The following CCDC40 variants were observed in gnomAD, a reference collection of about 807,000 sequenced individuals.
CCDC40 encodes the protein coiled-coil domain 40 molecular ruler complex subunit.
CCDC40 carries 104 observed loss-of-function variants against 124.5 expected under a neutral mutation model. The observed-to-expected ratio is 0.84, with a 90% CI of 0.71 to 0.98. The LOEUF is 0.98. Ranked by LOEUF, CCDC40 falls within the 50% of genes least tolerant of loss-of-function variation. CCDC40 has a pLI of 0.00. For missense variants in CCDC40, 1,463 were observed against 1,503.9 expected, an observed-to-expected ratio of 0.97 and a Z score of 0.45; for synonymous variants, 580 against 602.9, an observed-to-expected ratio of 0.96 and a Z score of 0.56.
At chr17:80,048,511 G>A (rs1384910821) in intron 4 of CCDC40, 72 bp from the exon 5 acceptor site, 12 of 1,266,916 alleles carry the variant, frequency 9.5e-6, no homozygotes, top group Admixed American at 1.8e-5. Context: ...CTGTGCCATT[G>A]ATGCCCCAGA....
intron 17 of CCDC40, among the ~76,000 whole-genome samples, chr17:80,092,519 G>A (rs1196305689): frequency 1.3e-5 from 2 of 152,160 alleles, no homozygotes; most frequent in Non-Finnish European, 2.9e-5. Context: ...TCACATAAAT[G>A]GATCAAATAG....
At position 80,095,276 on chromosome 17, in the gene CCDC40, A is replaced by G. The variant is rs1377015401; in HGVS notation, c.2846A>G (p.Gln949Arg). The change falls in exon 18 of 20, where the codon CAG becomes CGG. Residue 949 changes from glutamine (Q) to arginine (R), a missense_variant. Gln to Arg is a conservative substitution (Grantham distance 43). Transcript: ENST00000397545. ...CCTGTCTCCCAGGTCAGGCTCGGGC[A>G]GCTGCTGAAGCAGCAGGAGAAGATG... is the stretch of plus-strand genomic sequence containing the variant. ...EIHRMKVRLG[Q>R]LLKQQEKMIR... is the part of the protein sequence containing the mutation. 1 of 1,613,740 alleles carries G rather than the reference A, an allele frequency of 6.2e-7. No homozygotes were observed. The highest frequency in any genetic ancestry group is 2.2e-5 in the East Asian group (1 of 44,900).
rs1188201805 is a variant in CCDC40, at chr17:80,089,344, T to C, written c.2712-420T>C. Among the ~76,000 whole-genome samples the C allele has an allele frequency of 3.9e-5, 6 of 152,202 alleles. No homozygotes were observed. In the East Asian group the frequency reaches 1.2e-3, roughly 29 times the overall value. ...GCCTGTTCCTTGCGGTTTGATAGAA[T>C]CTAGGCAAAAAATTATCTGGGACCA... On this transcript the variant is annotated intron_variant, in intron 16 of 19. Coordinates refer to ENST00000397545, the MANE Select transcript of CCDC40 (RefSeq NM_017950.4).
chr17:80,057,875 CA>C (rs11442765), intron 7 of CCDC40, among the ~76,000 whole-genome samples: 142 of 140,212 alleles, frequency 1.0e-3, no homozygotes, highest in Non-Finnish European at 1.4e-3. Context: ...GATTTCGTCT[CA>C]AAAAAAAAAA....
chr17:80,058,408 G>A lies in CCDC40; in HGVS notation c.1160-86G>A. 2 of 1,306,700 alleles carry A rather than the reference G, an allele frequency of 1.5e-6. No individual in the cohort carries two copies. The highest frequency in any genetic ancestry group is 1.1e-6 in the Non-Finnish European group (1 of 912,018). The allele number at this position is 1,306,700 out of a possible 1,614,324, so 80.9% of individuals were successfully genotyped here. On this transcript the variant is annotated intron_variant, in intron 7 of 19. Coordinates refer to ENST00000397545, the MANE Select transcript of CCDC40 (RefSeq NM_017950.4). This position sits in a 1 kb window ranked among gnomAD's most constrained non-coding sequence, Gnocchi z 4.2. ...AGGGTGCCCAGAACGGCTGTTCCCTGCTTCCTCCTGGGTCTCTGCATGGGG... is the reference window on the plus strand; with the variant it reads ...AGGGTGCCCAGAACGGCTGTTCCCTACTTCCTCCTGGGTCTCTGCATGGGG...
chr17:80,080,842 C>G (rs1240803565), intron 10 of CCDC40, among the ~76,000 whole-genome samples: 1 of 152,118 alleles, frequency 6.6e-6, no homozygotes, highest in African/African-American at 2.4e-5. Context: ...GAACAAGGCC[C>G]AGTGTTCAAT....
In CCDC40 at chr17:80,081,890, C is replaced by CA; in HGVS notation, c.1822dup (p.Thr608AsnfsTer66). 1.2e-6 allele frequency: 2 copies of CA among 1,614,108 alleles called. No homozygotes were observed. Among genetic ancestry groups the CA allele is most frequent in the Non-Finnish European group, 8.5e-7 (1 of 1,180,026 alleles). On this transcript the variant is annotated frameshift_variant, in exon 12 of 20. Transcript: ENST00000397545. LOFTEE classifies it high-confidence loss of function. ...CTTGTCTCCAGGAACAAATGATACT[C>CA]ACGGAGGAGTTGCAGGCCATCCGCC... is the stretch of plus-strand genomic sequence containing the variant.
intron 3 of CCDC40, 137 bp downstream of exon 3, chr17:80,040,407 G>C: frequency 1.1e-6 from 1 of 903,214 alleles, no homozygotes; most frequent in Non-Finnish European, 1.7e-6. Context: ...GGCTGGGTGC[G>C]GTGGCTCACG....
chr17:80,039,761 A>G, intron 2 of CCDC40, 51 bp from the exon 3 acceptor site: 2 of 1,597,178 alleles, frequency 1.3e-6, no homozygotes, highest in Non-Finnish European at 1.7e-6. Flanking sequence ...AAAACCTCAC[A>G]AGGTCCTTTA....
rs1339070057 is a variant in CCDC40, at chr17:80,058,224, C to T, written c.1160-270C>T. 2.0e-5 allele frequency among the ~76,000 whole-genome samples: 3 copies of T among 152,218 alleles called. No individual in the cohort carries two copies. The highest frequency in any genetic ancestry group is 4.4e-5 in the Non-Finnish European group (3 of 68,026). On this transcript the variant is annotated intron_variant, in intron 7 of 19. Transcript: ENST00000397545. The surrounding 1 kb of genome is among the most constrained non-coding windows in gnomAD (Gnocchi z 4.2). ...TGTATCCTTAGACTACCAGGAGGATCTCTGAGACTTGGTGGGGAATGGAAC... is the reference window on the plus strand; with the variant it reads ...TGTATCCTTAGACTACCAGGAGGATTTCTGAGACTTGGTGGGGAATGGAAC...
At position 80,065,618 on chromosome 17, in the gene CCDC40, C is replaced by T. The variant is rs369729537; in HGVS notation, c.1562+12C>T. On this transcript the variant is annotated intron_variant, in intron 10 of 19. Coordinates refer to ENST00000397545, the MANE Select transcript of CCDC40 (RefSeq NM_017950.4). Reference sequence around the variant, plus strand: ...CTGGAGGCGCTCAGGTACTGCAGGGCCACAGGCAGCGAGGATGTGCGGGAA... The same window carrying T: ...CTGGAGGCGCTCAGGTACTGCAGGGTCACAGGCAGCGAGGATGTGCGGGAA... 370 of 1,611,670 alleles carry T rather than the reference C, an allele frequency of 2.3e-4. No homozygotes were observed. Among genetic ancestry groups the T allele is most frequent in the Non-Finnish European group, 3.0e-4 (359 of 1,179,836 alleles).
chr17:80,097,169 C>A, intron 18 of CCDC40, 76 bp from the exon 19 acceptor site: 1 of 1,510,858 alleles, frequency 6.6e-7, no homozygotes, highest in Non-Finnish European at 9.2e-7. Flanking sequence ...CCTGGCAGGT[C>A]CTCCCAGCCT....
Position 80,071,255 on chromosome 17 carries a change from G to A in CCDC40, c.1562+5649G>A, listed in dbSNP as rs536354815. The stretch of plus-strand genomic sequence containing the variant: ...ACCTGCCTTTGTCCTATTTCCTGGC[G>A]GGAAATACAGAGGGCAGACAGGTCT... On this transcript the variant is annotated intron_variant, in intron 10 of 19. Coordinates refer to ENST00000397545, the MANE Select transcript of CCDC40 (RefSeq NM_017950.4). Among the ~76,000 whole-genome samples the A allele has an allele frequency of 5.3e-5, 8 of 152,310 alleles. No homozygotes were observed. The East Asian group carries it at 5.8e-4, about 11-fold the overall frequency.
intron 3 of CCDC40, 140 bp from the exon 4 acceptor site, chr17:80,047,139 C>T: frequency 1.1e-6 from 1 of 922,564 alleles, no homozygotes; most frequent in Non-Finnish European, 1.7e-6. Flanking sequence ...GAGCCACGTG[C>T]CCGGCCAGGT....
intron 10 of CCDC40, among the ~76,000 whole-genome samples, chr17:80,078,286 A>G (rs995370982): frequency 1.3e-5 from 2 of 149,132 alleles, no homozygotes; most frequent in Non-Finnish European, 3.0e-5. Context: ...AGCCAAGATC[A>G]CGCCACTGCA....
chr17:80,051,405 G>A (rs554590419), intron 7 of CCDC40: 15 of 298,456 alleles, frequency 5.0e-5, no homozygotes, highest in Non-Finnish European at 6.4e-5. Context: ...CGAGGCGGGC[G>A]GATCACGAGG....
chr17:80,081,521 G>A (rs763446302), intron 10 of CCDC40, 25 bp from the exon 11 acceptor site: 6 of 1,613,092 alleles, frequency 3.7e-6, no homozygotes, highest in Non-Finnish European at 5.1e-6. Context: ...ACACGTAACT[G>A]GCTCTCCCCG....
Position 80,066,186 on chromosome 17 carries a change from C to T in CCDC40, c.1562+580C>T, listed in dbSNP as rs748021966. ...CCGGGCACTGTGGTGGCACGTGTCT[C>T]ACCCGCTGAGCTTTAACTTCCCCTC... is the stretch of plus-strand genomic sequence containing the variant. On this transcript the variant is annotated intron_variant, in intron 10 of 19. Coordinates refer to ENST00000397545, the MANE Select transcript of CCDC40 (RefSeq NM_017950.4). The surrounding 1 kb of genome is among the most constrained non-coding windows in gnomAD (Gnocchi z 4.4). 2.8e-6 allele frequency: 2 copies of T among 702,986 alleles called. No individual in the cohort carries two copies. The highest frequency in any genetic ancestry group is 1.5e-5 in the South Asian group (1 of 67,596). 43.5% of individuals were successfully genotyped at this position (702,986 alleles called of 1,614,324 possible).
In CCDC40 at chr17:80,044,182, C is replaced by T. The variant is rs187899816; in HGVS notation, c.553-3097C>T. On this transcript the variant is annotated intron_variant, in intron 3 of 19. Coordinates refer to ENST00000397545, the MANE Select transcript of CCDC40 (RefSeq NM_017950.4). ...TCATTGCATAGTCACCCAGCTGTTG[C>T]GGCAAACGGTAGCTCTTGCTTCAAA... 2.7e-4 allele frequency among the ~76,000 whole-genome samples: 41 copies of T among 152,220 alleles called. No homozygotes were observed. The East Asian group carries it at 5.8e-3, about 21-fold the overall frequency.
Sources: gnomAD v4.1 joint callset for allele counts (sites outside exome capture counted in the v4.1 genomes callset) on GRCh38, gnomAD v4.1.1 for gene constraint, Gnocchi (gnomAD v3.1) non-coding constraint, MANE v1.5 for transcripts, NCBI Gene and HGNC (gene_info 2026-07-23, HGNC 2026-07-21) for gene names.